Variants in IFT56 observed in about 807,000 individuals in gnomAD.
The protein encoded by IFT56 is intraflagellar transport protein 56.
chr7:139,185,917 G>C, the IFT56 span, among the ~76,000 whole-genome samples: 2 of 151,966 alleles, frequency 1.3e-5, no homozygotes, highest in African/African-American at 4.8e-5. Flanking sequence ...AAGAATGAAG[G>C]TGTAAATATA....
the IFT56 span, among the ~76,000 whole-genome samples, chr7:139,187,894 GGTTTTTTGTTT>G: frequency 6.6e-6 from 1 of 150,788 alleles, no homozygotes; most frequent in Non-Finnish European, 1.5e-5. Flanking sequence ...TACTCTTTTG[GGTTTTTTGTTT>G]GTTTTTTGTT....
chr7:139,142,255 G>T, the IFT56 span: 1 of 1,613,668 alleles, frequency 6.2e-7, no homozygotes, highest in Non-Finnish European at 8.5e-7. Flanking sequence ...TTTTTTTTCA[G>T]CTTCAAAAAG....
chr7:139,174,383 G>A, the IFT56 span: 17 of 452,062 alleles, frequency 3.8e-5, no homozygotes, highest in East Asian at 7.0e-4. Flanking sequence ...CTGGCGGCCC[G>A]CGTTGGCATC....
chr7:139,151,462 G>GGT, the IFT56 span, among the ~76,000 whole-genome samples: 2 of 152,304 alleles, frequency 1.3e-5, no homozygotes, highest in South Asian at 4.1e-4. Context: ...ACGGCCTCTA[G>GGT]GGTAGTGATT....
the IFT56 span, among the ~76,000 whole-genome samples, chr7:139,177,151 AAC>A: frequency 6.6e-6 from 1 of 150,398 alleles, no homozygotes; most frequent in Non-Finnish European, 1.5e-5. Flanking sequence ...CACCCTGGGC[AAC>A]AGAGTAAGAC....
the IFT56 span, among the ~76,000 whole-genome samples, chr7:139,136,623 G>A: frequency 6.4e-4 from 97 of 151,718 alleles, no homozygotes; most frequent in African/African-American, 2.3e-3. Flanking sequence ...GCTAATTTTC[G>A]TTTGATTGGC....
the IFT56 span, chr7:139,191,263 T>G: frequency 2.0e-5 from 3 of 152,240 alleles, no homozygotes; most frequent in Admixed American, 2.0e-4. Context: ...TGTTTCCTCA[T>G]GTTGTTCCTA....
the IFT56 span, chr7:139,179,575 C>T: frequency 1.4e-5 from 23 of 1,613,700 alleles, no homozygotes; most frequent in South Asian, 1.4e-4. Flanking sequence ...TTCTTGCAGG[C>T]GTTCCTCTTG....
chr7:139,172,969 G>C, the IFT56 span: 3 of 728,074 alleles, frequency 4.1e-6, no homozygotes, highest in Non-Finnish European at 7.8e-6. Context: ...CTGGCGCTTG[G>C]GCTGAGGTGA....
At chr7:139,138,951 C>T in the IFT56 span, among the ~76,000 whole-genome samples, 1 of 152,006 alleles carries the variant, frequency 6.6e-6, no homozygotes, top group Admixed American at 6.6e-5. Context: ...GCTGGGACTA[C>T]AGACATGCGC....
chr7:139,166,200 C>A, the IFT56 span, among the ~76,000 whole-genome samples: 1 of 152,150 alleles, frequency 6.6e-6, no homozygotes. Flanking sequence ...TCAGGTGATC[C>A]GCCTGCCTCA....
At chr7:139,152,321 C>T in the IFT56 span, among the ~76,000 whole-genome samples, 3 of 152,154 alleles carry the variant, frequency 2.0e-5, no homozygotes, top group Non-Finnish European at 4.4e-5. Context: ...GAGATGGGGT[C>T]TTGCTATGTT....
At chr7:139,173,898 G>A in the IFT56 span, 1 of 705,336 alleles carries the variant, frequency 1.4e-6, no homozygotes, top group Non-Finnish European at 2.6e-6. Context: ...TTGAAGCTCT[G>A]GTTCTTCTTT....
At chr7:139,186,632 C>CAA in the IFT56 span, among the ~76,000 whole-genome samples, 1 of 152,024 alleles carries the variant, frequency 6.6e-6, no homozygotes, top group African/African-American at 2.4e-5. Flanking sequence ...AATTTAGGAA[C>CAA]AAGACTAGGG....
At chr7:139,164,825 T>C in the IFT56 span, among the ~76,000 whole-genome samples, 1 of 152,022 alleles carries the variant, frequency 6.6e-6, no homozygotes, top group African/African-American at 2.4e-5. Context: ...GGCAAGGGTA[T>C]AGAGAGAGTG....
At chr7:139,164,054 T>C in the IFT56 span, among the ~76,000 whole-genome samples, 2,474 of 152,342 alleles carry the variant, frequency 0.016, 67 homozygotes, top group African/African-American at 0.056. Context: ...AGCTTTTCTC[T>C]GTAACACTTA....
the IFT56 span, among the ~76,000 whole-genome samples, chr7:139,180,133 C>T: frequency 3.3e-5 from 5 of 150,224 alleles, no homozygotes; most frequent in African/African-American, 1.2e-4. Flanking sequence ...GTCAGGAGAT[C>T]GAGACCATCC....
the IFT56 span, among the ~76,000 whole-genome samples, chr7:139,150,569 C>G: frequency 7.9e-5 from 12 of 152,080 alleles, no homozygotes; most frequent in Non-Finnish European, 2.9e-5. Flanking sequence ...TTATAATGTA[C>G]TCCAGCAGTA....
the IFT56 span, among the ~76,000 whole-genome samples, chr7:139,175,684 A>G: frequency 6.6e-6 from 1 of 152,124 alleles, no homozygotes; most frequent in East Asian, 1.9e-4. Context: ...GAGCTAAAAA[A>G]TATTAAAACA....
Sources: gnomAD v4.1 joint callset for allele counts (sites outside exome capture counted in the v4.1 genomes callset) on GRCh38, gnomAD v4.1.1 for gene constraint, MANE v1.5 for transcripts, NCBI Gene and HGNC (gene_info 2026-07-23, HGNC 2026-07-21) for gene names.